AGBL3: variants seen among roughly 807,000 people sequenced by gnomAD.
The protein encoded by AGBL3 is cytosolic carboxypeptidase 3.
Under a neutral mutation model 94.5 loss-of-function variants are expected in AGBL3, and 68 were observed. The ratio of observed to expected loss-of-function variants is 0.72; its 90% CI spans 0.59 to 0.88. AGBL3 has a LOEUF of 0.88. Among genes scored for constraint, AGBL3 ranks in the 40% least tolerant of loss-of-function variants. AGBL3 has a pLI of 0.00. For synonymous variants in AGBL3, 354 were observed against 370.7 expected, an observed-to-expected ratio of 0.95 and a Z score of 0.52; for missense variants, 934 against 1,103.8, an observed-to-expected ratio of 0.85 and a Z score of 2.18.
chr7:134,988,707 G>C (rs570839429), intron 2 of AGBL3, among the ~76,000 whole-genome samples: 1 of 151,494 alleles, frequency 6.6e-6, no homozygotes, highest in African/African-American at 2.4e-5. Context: ...GCGCGATCTC[G>C]GCTCACTGCA....
At chr7:135,001,428 T>C (rs1811701749) in intron 4 of AGBL3, among the ~76,000 whole-genome samples, 2 of 152,172 alleles carry the variant, frequency 1.3e-5, no homozygotes, top group African/African-American at 2.4e-5. Context: ...TGTGAGACAA[T>C]TGCCACAGAT....
At chr7:135,020,131 C>T (rs1435606159) in intron 5 of AGBL3, among the ~76,000 whole-genome samples, 1 of 152,168 alleles carries the variant, frequency 6.6e-6, no homozygotes, top group African/African-American at 2.4e-5. Context: ...AGACAACCTA[C>T]AGAATGGGAG....
At chr7:135,078,331 T>G (rs1036389741) in intron 13 of AGBL3, among the ~76,000 whole-genome samples, 14 of 152,222 alleles carry the variant, frequency 9.2e-5, no homozygotes. Flanking sequence ...CAGAGATGGC[T>G]ATAAAGGAGT....
chr7:135,015,595 A>G (rs1403769130), intron 4 of AGBL3, among the ~76,000 whole-genome samples: 2 of 18,978 alleles, frequency 1.1e-4, no homozygotes, highest in Non-Finnish European at 6.9e-3. Context: ...TTCTTTCTCC[A>G]GTTATAATGA....
At chr7:134,998,965 G>C (rs1811358912) in intron 4 of AGBL3, among the ~76,000 whole-genome samples, 1 of 152,038 alleles carries the variant, frequency 6.6e-6, no homozygotes, top group Non-Finnish European at 1.5e-5. Flanking sequence ...CCCTCATGTT[G>C]AATGTGCATA....
intron 5 of AGBL3, among the ~76,000 whole-genome samples, chr7:135,032,119 C>T (rs1815808282): frequency 6.6e-6 from 1 of 152,182 alleles, no homozygotes; most frequent in East Asian, 1.9e-4. Context: ...CAGGGCTCAA[C>T]ATGGGCTCAC....
chr7:135,110,151 T>G (rs555178766), intron 15 of AGBL3, among the ~76,000 whole-genome samples: 1 of 152,020 alleles, frequency 6.6e-6, no homozygotes, highest in Non-Finnish European at 1.5e-5. Context: ...AGTGGCTGGC[T>G]GGAGTTCCAA....
chr7:135,013,232 G>C (rs1357571604), intron 4 of AGBL3, among the ~76,000 whole-genome samples: 1 of 152,090 alleles, frequency 6.6e-6, no homozygotes, highest in South Asian at 2.1e-4. Flanking sequence ...CTACCAGGAT[G>C]GCAAAAAATT....
chr7:135,074,528 G>A (rs1270613173), intron 12 of AGBL3, among the ~76,000 whole-genome samples: 1 of 152,084 alleles, frequency 6.6e-6, no homozygotes, highest in African/African-American at 2.4e-5. Flanking sequence ...AAGAACAAGT[G>A]TTTTACCTCC....
intron 5 of AGBL3, 98 bp downstream of exon 5, chr7:135,017,257 G>C (rs150853490): frequency 2.4e-6 from 2 of 840,180 alleles, no homozygotes; most frequent in South Asian, 2.9e-5. Context: ...GGAAATTTCA[G>C]ATGACCAGTC....
At chr7:135,114,632 C>G (rs1476928365) in intron 15 of AGBL3, among the ~76,000 whole-genome samples, 1 of 152,076 alleles carries the variant, frequency 6.6e-6, no homozygotes, top group Non-Finnish European at 1.5e-5. Context: ...CATATGTACC[C>G]AGAATACTCC....
In AGBL3 at chr7:134,989,262, T is replaced by C. The variant is rs1809901479; in HGVS notation, c.76T>C (p.Phe26Leu). The change falls in exon 3 of 17, where the codon TTC becomes CTC. Residue 26 changes from phenylalanine (F) to leucine (L), a missense_variant. Phe to Leu is a conservative substitution (Grantham distance 22). Coordinates refer to ENST00000436302, the MANE Select transcript of AGBL3 (RefSeq NM_178563.4). ...ATTCTTATTTTAGGATGAGGATATG[T>C]TCATGAAATTTGTAAGTGAAGATCT... ...SDEDESDEDM[F>L]MKFVSEDLHR... The C allele has an allele frequency of 6.5e-7, 1 of 1,545,914 alleles. No individual in the cohort carries two copies. The highest frequency in any genetic ancestry group is 8.7e-7 in the Non-Finnish European group (1 of 1,143,808).
intron 11 of AGBL3, among the ~76,000 whole-genome samples, chr7:135,056,937 G>A (rs1338101273): frequency 2.6e-5 from 4 of 151,750 alleles, no homozygotes; most frequent in Non-Finnish European, 4.4e-5. Context: ...ACAAAATACT[G>A]AAGAAGGACA....
intron 15 of AGBL3, among the ~76,000 whole-genome samples, chr7:135,099,295 A>G (rs997262630): frequency 5.9e-5 from 9 of 152,116 alleles, no homozygotes; most frequent in Non-Finnish European, 1.3e-4. Flanking sequence ...TAGATTAGGT[A>G]TTTATATTGT....
At chr7:135,039,271 T>C (rs760852709) in intron 8 of AGBL3, among the ~76,000 whole-genome samples, 2 of 152,232 alleles carry the variant, frequency 1.3e-5, no homozygotes, top group Non-Finnish European at 2.9e-5. Flanking sequence ...TACAAACATG[T>C]AGATATTAAA....
chr7:135,033,426 G>C (rs1815979951), intron 6 of AGBL3, among the ~76,000 whole-genome samples: 1 of 152,128 alleles, frequency 6.6e-6, no homozygotes, highest in African/African-American at 2.4e-5. Context: ...TCAAGGTTTT[G>C]CAACATTTAT....
At chr7:135,046,732 A>G (rs1393002360) in intron 11 of AGBL3, among the ~76,000 whole-genome samples, 1 of 152,100 alleles carries the variant, frequency 6.6e-6, no homozygotes, top group Non-Finnish European at 1.5e-5. Flanking sequence ...ACTGAAGGAC[A>G]TCTTGGTTGC....
chr7:135,003,439 G>A (rs1176004876), intron 4 of AGBL3, among the ~76,000 whole-genome samples: 1 of 151,808 alleles, frequency 6.6e-6, no homozygotes, highest in Admixed American at 6.6e-5. Flanking sequence ...AGATTTTTCT[G>A]GCTACGTTTG....
intron 12 of AGBL3, among the ~76,000 whole-genome samples, chr7:135,067,019 A>G (rs1202343000): frequency 1.3e-5 from 2 of 152,142 alleles, no homozygotes; most frequent in African/African-American, 2.4e-5. Context: ...GCACCTGGAA[A>G]ATCAGGTCAC....
Sources: gnomAD v4.1 joint callset for allele counts (sites outside exome capture counted in the v4.1 genomes callset) on GRCh38, gnomAD v4.1.1 for gene constraint, MANE v1.5 for transcripts, NCBI Gene and HGNC (gene_info 2026-07-23, HGNC 2026-07-21) for gene names.